Variants in PROX1 observed in about 807,000 individuals in gnomAD.
The protein encoded by PROX1 is prospero homeobox protein 1.
PROX1 carries 7 observed loss-of-function variants against 58.8 expected under a neutral mutation model. The observed-to-expected ratio is 0.12, with a 90% CI of 0.07 to 0.22. The LOEUF is 0.22. PROX1 is among the 10% of genes least tolerant of loss of function. The probability of loss-of-function intolerance (pLI) is 1.00; values close to 1 mark genes in which losing one functional copy is unlikely to be tolerated. For synonymous variants in PROX1, 350 were observed against 358.3 expected, an observed-to-expected ratio of 0.98 and a Z score of 0.26; for missense variants, 675 against 927.8, an observed-to-expected ratio of 0.73 and a Z score of 3.54.
intron 3 of PROX1, among the ~76,000 whole-genome samples, chr1:214,005,686 T>G (rs1198074040): frequency 6.6e-6 from 1 of 152,206 alleles, no homozygotes; most frequent in Non-Finnish European, 1.5e-5. Flanking sequence ...CTAGCACCTC[T>G]TTTTCCCCCT....
intron 4 of PROX1, among the ~76,000 whole-genome samples, chr1:214,013,564 C>T (rs1663991618): frequency 2.7e-5 from 1 of 37,384 alleles, no homozygotes; most frequent in Non-Finnish European, 5.3e-5. Context: ...TTAAAGTGCG[C>T]ACGAGGGTTT....
At chr1:214,031,506 G>A (rs980349939) in intron 4 of PROX1, among the ~76,000 whole-genome samples, 1 of 151,906 alleles carries the variant, frequency 6.6e-6, no homozygotes, top group African/African-American at 2.4e-5. Context: ...CTCCCCAGCC[G>A]CCTGCATTGT....
intron 2 of PROX1, among the ~76,000 whole-genome samples, chr1:213,999,319 G>C (rs538152007): frequency 1.3e-5 from 2 of 152,066 alleles, no homozygotes; most frequent in Admixed American, 1.3e-4. Flanking sequence ...GCAGGTGGAG[G>C]CATGTTTCTT....
At chr1:214,003,409 C>T (rs1297105967) in intron 2 of PROX1, among the ~76,000 whole-genome samples, 1 of 152,198 alleles carries the variant, frequency 6.6e-6, no homozygotes, top group Non-Finnish European at 1.5e-5. Flanking sequence ...TCCATTTGGA[C>T]AGATGGTCCT....
In PROX1 at chr1:213,994,750, AATATATATATAT is replaced by A. The variant is rs66460564; in HGVS notation, c.-67-1677_-67-1666del. 4.7e-3 allele frequency among the ~76,000 whole-genome samples: 417 copies of A among 88,240 alleles called. 3 individuals carry two copies. Among genetic ancestry groups the A allele is most frequent in the African/African-American group, 6.7e-3 (162 of 24,044 alleles). The allele number at this position is 88,240 out of a possible 152,430, so 57.9% of individuals were successfully genotyped here. ...AAAGTATTTCATTCTCAAGCATGCA[AATATATATATAT>A]ATATATATATATATATATATATATA... On this transcript the variant is annotated intron_variant, in intron 1 of 4. Coordinates refer to ENST00000366958, the MANE Select transcript of PROX1 (RefSeq NM_001270616.2).
chr1:213,992,045 T>A, intron 1 of PROX1, among the ~76,000 whole-genome samples: 1 of 152,194 alleles, frequency 6.6e-6, no homozygotes, highest in Non-Finnish European at 1.5e-5. Flanking sequence ...AAGAAAAAAG[T>A]GTATTTTCTT....
chr1:214,001,037 C>T (rs3767847), intron 2 of PROX1, among the ~76,000 whole-genome samples: 2,102 of 151,876 alleles, frequency 0.014, 56 homozygotes, highest in African/African-American at 0.049. Context: ...TTTAATTTTT[C>T]GTTCATGGCT....
intron 4 of PROX1, among the ~76,000 whole-genome samples, chr1:214,019,482 G>T (rs536458169): frequency 6.6e-6 from 1 of 152,260 alleles, no homozygotes; most frequent in South Asian, 2.1e-4. Flanking sequence ...CCTCACTAGG[G>T]TTGGATAGAA....
At chr1:214,025,767 A>C (rs550703969) in intron 4 of PROX1, among the ~76,000 whole-genome samples, 31 of 151,856 alleles carry the variant, frequency 2.0e-4, no homozygotes, top group Non-Finnish European at 1.9e-4. Flanking sequence ...GGTTCAAGCA[A>C]TTCTCTGCCT....
chr1:213,984,466 A>G (rs1662775324), upstream of PROX1: 1 of 152,262 alleles, frequency 6.6e-6, no homozygotes. Flanking sequence ...TTGGTTAAAC[A>G]AACATCACTC....
At position 214,038,051 on chromosome 1, in the gene PROX1, C is replaced by T. The variant is rs560788483; in HGVS notation, c.*2217C>T. 9.9e-5 allele frequency: 15 copies of T among 152,182 alleles called. No homozygotes were observed. The highest frequency in any genetic ancestry group is 3.9e-4 in the Admixed American group (6 of 15,282). 9.4% of individuals were successfully genotyped at this position (152,182 alleles called of 1,614,324 possible). ...TGCTAGATATCTTTTTGATCTGGGG[C>T]GAGTTCAATATTGATTCCAGACTTA... On this transcript the variant is annotated 3_prime_UTR_variant, in exon 5 of 5. Coordinates refer to ENST00000366958, the MANE Select transcript of PROX1 (RefSeq NM_001270616.2).
chr1:214,018,771 C>T (rs143210546), intron 4 of PROX1, among the ~76,000 whole-genome samples: 75 of 152,192 alleles, frequency 4.9e-4, no homozygotes, highest in African/African-American at 1.5e-3. Flanking sequence ...AGGAAGAGAC[C>T]GACAGGATGG....
At chr1:214,008,337 G>A (rs1330396081) in intron 3 of PROX1, among the ~76,000 whole-genome samples, 2 of 152,012 alleles carry the variant, frequency 1.3e-5, no homozygotes, top group African/African-American at 4.8e-5. Flanking sequence ...TTACAGGCAT[G>A]AGCCACCGCG....
rs1009242456 is a variant in PROX1 at position 214,038,733 on chromosome 1, T to A, written c.*2899T>A. On this transcript the variant is annotated 3_prime_UTR_variant, in exon 5 of 5. Transcript: ENST00000366958. ...GCCTTCTGTGGCTTTCGATTTCATC[T>A]TTTTGACTTTATTTCCAATTACTAC... is the stretch of plus-strand genomic sequence containing the variant. 6.6e-6 allele frequency: 1 copy of A among 152,224 alleles called. No individual in the cohort carries two copies. Among genetic ancestry groups the A allele is most frequent in the Non-Finnish European group, 1.5e-5 (1 of 68,016 alleles). 9.4% of individuals were successfully genotyped at this position (152,224 alleles called of 1,614,324 possible).
At chr1:214,026,503 A>G (rs1421401180) in intron 4 of PROX1, among the ~76,000 whole-genome samples, 1 of 152,202 alleles carries the variant, frequency 6.6e-6, no homozygotes. Flanking sequence ...TGTATGCACA[A>G]TTTATTAAAC....
At chr1:214,021,258 C>G (rs954986737) in intron 4 of PROX1, among the ~76,000 whole-genome samples, 1 of 152,202 alleles carries the variant, frequency 6.6e-6, no homozygotes, top group Non-Finnish European at 1.5e-5. Context: ...ATATACCACT[C>G]CTTAAGATAA....
At chr1:214,015,527 T>C (rs1664062170) in intron 4 of PROX1, among the ~76,000 whole-genome samples, 1 of 151,944 alleles carries the variant, frequency 6.6e-6, no homozygotes, top group African/African-American at 2.4e-5. Context: ...TTTTATCGCT[T>C]TTGTTGTTTT....
chr1:213,995,011 A>G (rs1375749367), intron 1 of PROX1, among the ~76,000 whole-genome samples: 1 of 151,792 alleles, frequency 6.6e-6, no homozygotes, highest in African/African-American at 2.4e-5. Context: ...ATGGATAGTC[A>G]TTCTTTAAAG....
intron 2 of PROX1, among the ~76,000 whole-genome samples, chr1:214,004,677 T>C (rs1273073870): frequency 6.6e-6 from 1 of 152,228 alleles, no homozygotes; most frequent in South Asian, 2.1e-4. Flanking sequence ...GAAACTTGCA[T>C]AGCAGTGTTC....
Sources: allele counts gnomAD v4.1 joint callset (sites outside exome capture counted in the v4.1 genomes callset), GRCh38; gene constraint gnomAD v4.1.1; transcripts MANE v1.5; gene names NCBI Gene and HGNC (gene_info 2026-07-23, HGNC 2026-07-21).